PUDP: variants seen among roughly 807,000 people sequenced by gnomAD.
PUDP encodes the protein pseudouridine 5'-phosphatase.
Under a neutral mutation model 9.4 loss-of-function variants are expected in PUDP, and 8 were observed. The observed-to-expected ratio is 0.85, with a 90% CI of 0.50 to 1.53. The LOEUF is 1.53. PUDP is among the 40% of genes most tolerant of loss of function. The pLI is 0.00. For missense variants in PUDP, 188 were observed against 189.7 expected (o/e 0.99, Z 0.05); for synonymous variants, 99 against 80.7 (o/e 1.23, Z -1.22).
chrX:7,020,344 G>A (rs1290509770), intron 1 of PUDP, among the ~76,000 whole-genome samples: 1 of 33 alleles, frequency 0.03, no homozygotes, highest in East Asian at 0.5. Context: ...GTTGGCTGTA[G>A]TAATTACTTG....
At chrX:7,095,990 G>T (rs1161356290) in intron 2 of PUDP, among the ~76,000 whole-genome samples, 1 of 112,059 alleles carries the variant, frequency 8.9e-6, no homozygotes, top group African/African-American at 3.2e-5. Context: ...AGCACAGCTT[G>T]CCTGCTGAGG....
chrX:6,948,008 C>T (rs1276800259), intron 3 of PUDP, among the ~76,000 whole-genome samples: 1 of 111,276 alleles, frequency 9.0e-6, no homozygotes, highest in Non-Finnish European at 1.9e-5. Context: ...TCACAGCCAG[C>T]CTCTTAAAAG....
chrX:7,120,735 C>T (rs772389256), intron 1 of PUDP, among the ~76,000 whole-genome samples: 55 of 112,090 alleles, frequency 4.9e-4, no homozygotes, highest in African/African-American at 1.7e-3. Context: ...TTTGTAACAG[C>T]TAAAAACTGG....
At chrX:6,805,757 A>G (rs928360420) in intron 3 of PUDP, among the ~76,000 whole-genome samples, 71 of 109,382 alleles carry the variant, frequency 6.5e-4, no homozygotes, top group African/African-American at 2.3e-3. Flanking sequence ...GGCTCAGGCA[A>G]TCCTCCCACC....
At chrX:6,708,199 C>T (rs1216672727) in intron 1 of PUDP, among the ~76,000 whole-genome samples, 1 of 111,908 alleles carries the variant, frequency 8.9e-6, no homozygotes, top group Non-Finnish European at 1.9e-5. Flanking sequence ...GGGGAGTCAT[C>T]TTTTTGTCAC....
chrX:6,707,925 C>T (rs1024713816), intron 1 of PUDP, among the ~76,000 whole-genome samples: 2 of 111,798 alleles, frequency 1.8e-5, no homozygotes, highest in African/African-American at 6.5e-5. Context: ...AAGCACCTAT[C>T]ATCATAATCC....
intron 3 of PUDP, among the ~76,000 whole-genome samples, chrX:6,805,128 G>C (rs1251685324): frequency 1.8e-5 from 2 of 110,773 alleles, no homozygotes; most frequent in Admixed American, 9.6e-5. Context: ...AAATTAGCCA[G>C]GTGTGGTGGC....
chrX:7,126,623 G>A (rs137899152), intron 1 of PUDP, among the ~76,000 whole-genome samples: 7 of 111,152 alleles, frequency 6.3e-5, no homozygotes, highest in Non-Finnish European at 1.1e-4. Flanking sequence ...GTGGTTGTCC[G>A]TAGTGTGTCT....
At chrX:6,966,469 A>T (rs1928786284) in intron 3 of PUDP, among the ~76,000 whole-genome samples, 1 of 110,882 alleles carries the variant, frequency 9.0e-6, no homozygotes, top group African/African-American at 3.3e-5. Flanking sequence ...CACTTTATGA[A>T]CTTCTTGAGT....
At chrX:7,044,968 T>C (rs1322423458), downstream of PUDP, among the ~76,000 whole-genome samples, 4 of 112,317 alleles carry the variant, frequency 3.6e-5, no homozygotes, top group Non-Finnish European at 7.5e-5. Context: ...AAAGGAATGG[T>C]ACCCTTCAGG....
At chrX:6,792,832 GA>G (rs2146690072) in intron 3 of PUDP, among the ~76,000 whole-genome samples, 1 of 112,760 alleles carries the variant, frequency 8.9e-6, no homozygotes, top group African/African-American at 3.2e-5. Flanking sequence ...CCTCAGCCAT[GA>G]ACCTTGCAAT....
At chrX:7,097,409 T>C (rs1392237312) in intron 2 of PUDP, among the ~76,000 whole-genome samples, 5 of 111,657 alleles carry the variant, frequency 4.5e-5, no homozygotes, top group Non-Finnish European at 9.4e-5. Context: ...TTGAAATGGC[T>C]TCTCCCATCT....
At chrX:6,970,564 T>C (rs765965315) in intron 3 of PUDP, among the ~76,000 whole-genome samples, 57 of 111,644 alleles carry the variant, frequency 5.1e-4, no homozygotes, top group African/African-American at 1.8e-3. Flanking sequence ...TTTGCATTCA[T>C]ATTTTGAAAC....
intron 2 of PUDP, among the ~76,000 whole-genome samples, chrX:7,085,785 C>A (rs1389179628): frequency 8.9e-5 from 10 of 111,811 alleles, no homozygotes; most frequent in African/African-American, 3.3e-4. Context: ...GTCTCCTGGA[C>A]CAGACTCTAC....
rs773300386 is a variant in PUDP, at chrX:7,144,608, T to TAGTC, written c.61+3441_61+3444dup. On this transcript the variant is annotated intron_variant, in intron 1 of 3. Coordinates refer to ENST00000381077, the MANE Select transcript of PUDP (RefSeq NM_012080.5). ...CCCCAGACAGTGAGGCAGGCACTTA[T>TAGTC]AGTCTCAAGTGCTATTATTTGGCAA... Among the ~76,000 whole-genome samples, 70 of 110,778 alleles carry TAGTC rather than the reference T, an allele frequency of 6.3e-4. 1 individual carries two copies. The highest frequency in any genetic ancestry group is 2.2e-3 in the African/African-American group (67 of 30,435).
At position 6,961,074 on chromosome X, in the gene PUDP, C is replaced by T. The variant is rs186883574; in HGVS notation, c.*247+16059G>A. The stretch of plus-strand genomic sequence containing the variant: ...ATAACTATTTCCTATACCAAAATGC[C>T]ACCTGGCAAACTCCTATTCATCCTT... On this transcript the variant is annotated intron_variant and NMD_transcript_variant, in intron 3 of 3. Coordinates refer to the PUDP transcript ENST00000655425. Among the ~76,000 whole-genome samples, 7 of 111,827 alleles carry T rather than the reference C, an allele frequency of 6.3e-5. No homozygotes were observed. In the East Asian group the frequency reaches 2.0e-3, roughly 31 times the overall value.
At chrX:6,916,229 CA>C (rs1356932030) in intron 3 of PUDP, among the ~76,000 whole-genome samples, 3,053 of 105,446 alleles carry the variant, frequency 0.029, 77 homozygotes, top group African/African-American at 0.069. Flanking sequence ...CACACACACA[CA>C]CACACACACA....
chrX:6,866,597 C>T (rs946458592), intron 3 of PUDP, among the ~76,000 whole-genome samples: 3 of 111,247 alleles, frequency 2.7e-5, no homozygotes, highest in Non-Finnish European at 5.7e-5. Context: ...GAAGATGGTG[C>T]CTCCTTGTGA....
At chrX:7,104,535 GGT>G (rs1931825680) in intron 2 of PUDP, among the ~76,000 whole-genome samples, 1 of 111,778 alleles carries the variant, frequency 8.9e-6, no homozygotes, top group African/African-American at 3.3e-5. Flanking sequence ...TAGGTAAAAT[GGT>G]AAATTTTAGT....
Sources: gnomAD v4.1 joint callset for allele counts (sites outside exome capture counted in the v4.1 genomes callset) on GRCh38, gnomAD v4.1.1 for gene constraint, MANE v1.5 for transcripts, NCBI Gene and HGNC (gene_info 2026-07-23, HGNC 2026-07-21) for gene names.